Variants in RPL35A observed in about 807,000 individuals in gnomAD.
RPL35A encodes large ribosomal subunit protein eL33.
RPL35A carries 1 observed loss-of-function variant against 16.7 expected under a neutral mutation model. That is an observed-to-expected ratio of 0.06 (90% CI 0.02 to 0.28). The LOEUF is 0.28. RPL35A is among the 10% of genes least tolerant of loss of function. RPL35A has a pLI of 1.00. For missense variants in RPL35A, 91 were observed against 138.7 expected (o/e 0.66, Z 1.73); for synonymous variants, 58 against 47.0 (o/e 1.23, Z -0.96).
Position 197,950,216 on chromosome 3 carries a change from G to T in RPL35A, c.-38G>T. 8.1e-7 allele frequency: 1 copy of T among 1,231,432 alleles called. No homozygotes were observed. 76.3% of individuals were successfully genotyped at this position (1,231,432 alleles called of 1,614,324 possible). A position where few individuals can be genotyped will look rare whatever the true frequency, so the allele number is the denominator to read the frequency against. The stretch of plus-strand genomic sequence containing the variant: ...TTCTCTTACCGCCATCTTGGCTCCT[G>T]TGGAGGTGAGTGAAGGGTCTGCTGC... On this transcript the variant is annotated 5_prime_UTR_variant, in exon 1 of 5. Transcript: ENST00000647248.
rs1560124683 is a variant in RPL35A at position 197,955,799 on chromosome 3, G to A, written c.*26G>A. On this transcript the variant is annotated 3_prime_UTR_variant, in exon 5 of 5. Coordinates refer to ENST00000647248, the MANE Select transcript of RPL35A (RefSeq NM_000996.4). ...ACTAACGAAAAATCAATAAATAAAT[G>A]TGGATTTGTGCTCTTGTATTTTTAA... 4.5e-6 allele frequency: 7 copies of A among 1,570,388 alleles called. No individual in the cohort carries two copies. The highest frequency in any genetic ancestry group is 6.1e-6 in the Non-Finnish European group (7 of 1,142,220).
chr3:197,954,259 T>C, intron 4 of RPL35A, 112 bp downstream of exon 4: 1 of 1,062,280 alleles, frequency 9.4e-7, no homozygotes, highest in Middle Eastern at 2.0e-4. Context: ...CAGTAAATTA[T>C]GCTGCAAAAT....
chr3:197,952,170 T>G (rs1429283094), intron 3 of RPL35A, among the ~76,000 whole-genome samples: 1 of 129,956 alleles, frequency 7.7e-6, no homozygotes, highest in African/African-American at 3.2e-5. Context: ...GGGTTTTTTT[T>G]TTTTTTTTTT....
intron 1 of RPL35A, 168 bp from the exon 2 acceptor site, chr3:197,950,768 G>C: frequency 1.6e-6 from 1 of 633,776 alleles, no homozygotes; most frequent in Non-Finnish European, 2.8e-6. Context: ...AGGTTTGAAT[G>C]TCTTGCCGGA....
rs1720504990 is a variant in RPL35A, at chr3:197,956,108, C to T, written c.*335C>T. The stretch of plus-strand genomic sequence containing the variant: ...AGTAGCTGGGACCACAGGCTCATGC[C>T]ACCATCCCTGGGTCATTTTTAAATT... On this transcript the variant is annotated 3_prime_UTR_variant, in exon 5 of 5. Coordinates refer to ENST00000647248, the MANE Select transcript of RPL35A (RefSeq NM_000996.4). 1 of 310,398 alleles carries T rather than the reference C, an allele frequency of 3.2e-6. No homozygotes were observed. The highest frequency in any genetic ancestry group is 6.2e-6 in the Non-Finnish European group (1 of 160,760). 19.2% of individuals were successfully genotyped at this position (310,398 alleles called of 1,614,324 possible). A position where few individuals can be genotyped will look rare whatever the true frequency, so the allele number is the denominator to read the frequency against.
chr3:197,954,217 T>C, intron 4 of RPL35A, 70 bp downstream of exon 4: 1 of 1,520,158 alleles, frequency 6.6e-7, no homozygotes, highest in South Asian at 1.1e-5. Flanking sequence ...TGCTTTGACT[T>C]CTGAGGACTT....
At position 197,951,181 on chromosome 3, in the gene RPL35A, G is replaced by A. The variant is rs533670667; in HGVS notation, c.34G>A (p.Ala12Thr). 4.0e-5 allele frequency: 64 copies of A among 1,614,108 alleles called. No individual in the cohort carries two copies. The East Asian group carries it at 4.5e-4, about 11-fold the overall frequency. Residue 12 changes from alanine (A) to threonine (T), a missense_variant, in exon 3 of 5, where the codon GCT becomes ACT. Transcript: ENST00000647248. ...TAGGCTGTGGTCCAAGGCCATTTTT[G>A]CTGGCTATAAGCGGGGTCTCCGGAA... is the stretch of plus-strand genomic sequence containing the variant. ...SGRLWSKAIF[A>T]GYKRGLRNQR...
At position 197,956,390 on chromosome 3, in the gene RPL35A, A is replaced by G. The variant is rs1720523502; in HGVS notation, c.*617A>G. 1 of 154,332 alleles carries G rather than the reference A, an allele frequency of 6.5e-6. No homozygotes were observed. Among genetic ancestry groups the G allele is most frequent in the African/African-American group, 2.4e-5 (1 of 41,448 alleles). 9.6% of individuals were successfully genotyped at this position (154,332 alleles called of 1,614,324 possible). On this transcript the variant is annotated 3_prime_UTR_variant, in exon 5 of 5. Coordinates refer to ENST00000647248, the MANE Select transcript of RPL35A (RefSeq NM_000996.4). ...GCTCTTGGGACTTGTGACTGGACAAAGCATTCCAGTATATTAAAATAAAAT... is the reference window on the plus strand; with the variant it reads ...GCTCTTGGGACTTGTGACTGGACAAGGCATTCCAGTATATTAAAATAAAAT...
At chr3:197,952,416 C>T (rs939569804) in intron 3 of RPL35A, 2 of 152,176 alleles carry the variant, frequency 1.3e-5, no homozygotes, top group Admixed American at 1.3e-4. Context: ...GATCCACCCA[C>T]CTCAGCCTCC....
chr3:197,953,143 C>T (rs971605307), intron 3 of RPL35A, among the ~76,000 whole-genome samples: 2 of 152,246 alleles, frequency 1.3e-5, no homozygotes, highest in Non-Finnish European at 2.9e-5. Context: ...TCTTCACCCA[C>T]TCCAAGCCAA....
chr3:197,954,778 G>C lies in RPL35A; in HGVS notation c.309+631G>C, dbSNP rs1369552633. On this transcript the variant is annotated intron_variant, in intron 4 of 4. Transcript: ENST00000647248. ...CCACCTTGGCCTCCCAGAGTGCTGGGATTATATGCTTGAGCCACCACAGCC... is the reference window on the plus strand; with the variant it reads ...CCACCTTGGCCTCCCAGAGTGCTGGCATTATATGCTTGAGCCACCACAGCC... Among the ~76,000 whole-genome samples, 4 of 152,270 alleles carry C rather than the reference G, an allele frequency of 2.6e-5. 1 individual carries two copies. The highest frequency in any genetic ancestry group is 6.8e-3 in the Middle Eastern group (2 of 294).
chr3:197,950,640 T>C (rs1261229709), intron 1 of RPL35A: 12 of 464,414 alleles, frequency 2.6e-5, no homozygotes, highest in Non-Finnish European at 4.6e-5. Flanking sequence ...TTTTCCTGAG[T>C]GTTGCCTACT....
intron 3 of RPL35A, among the ~76,000 whole-genome samples, chr3:197,952,899 C>T (rs1483598876): frequency 1.3e-5 from 2 of 151,300 alleles, no homozygotes; most frequent in African/African-American, 2.4e-5. Context: ...GTGGTGTGAT[C>T]TCAGCTCACT....
chr3:197,953,454 G>C (rs1443895038), intron 3 of RPL35A: 2 of 456,578 alleles, frequency 4.4e-6, no homozygotes, highest in African/African-American at 4.0e-5. Flanking sequence ...GTAAAAGCCC[G>C]TCATTAAGAG....
At chr3:197,955,411 T>C in intron 4 of RPL35A, among the ~76,000 whole-genome samples, 1 of 151,670 alleles carries the variant, frequency 6.6e-6, no homozygotes, top group East Asian at 2.0e-4. Flanking sequence ...TATAGGCACG[T>C]ACCACCATGC....
rs746855539 is a variant in RPL35A at position 197,956,005 on chromosome 3, G to C, written c.*232G>C. 1.3e-5 allele frequency: 7 copies of C among 522,234 alleles called. No homozygotes were observed. The highest frequency in any genetic ancestry group is 2.1e-5 in the Non-Finnish European group (6 of 287,668). The allele number at this position is 522,234 out of a possible 1,614,324, so 32.4% of individuals were successfully genotyped here. ...AGTATCTTTGACAGAGTCTTGCTCT[G>C]TTGCCCATGCTGGAGTGTAGTGGTG... On this transcript the variant is annotated 3_prime_UTR_variant, in exon 5 of 5. Coordinates refer to ENST00000647248, the MANE Select transcript of RPL35A (RefSeq NM_000996.4).
In RPL35A at chr3:197,951,321, T is replaced by C. The variant is rs907857127; in HGVS notation, c.164+10T>C. 3 of 1,613,774 alleles carry C rather than the reference T, an allele frequency of 1.9e-6. No homozygotes were observed. The African/African-American group carries it at 4.0e-5, about 22-fold the overall frequency. On this transcript the variant is annotated intron_variant, in intron 3 of 4. Transcript: ENST00000647248. ...TATATAAAGCAAAGAAGTAAGTTTA[T>C]GACACTGGTAGGTTTTGGGTTTTTG...
Position 197,950,649 on chromosome 3 carries a change from C to A in RPL35A, c.-32-287C>A, listed in dbSNP as rs1719987947. On this transcript the variant is annotated intron_variant, in intron 1 of 4. Coordinates refer to ENST00000647248, the MANE Select transcript of RPL35A (RefSeq NM_000996.4). ...CATTTCTTTTCCTGAGTGTTGCCTACTGATAACGGCATGCATTTTCTCAGG... is the reference window on the plus strand; with the variant it reads ...CATTTCTTTTCCTGAGTGTTGCCTAATGATAACGGCATGCATTTTCTCAGG... The A allele has an allele frequency of 7.2e-5, 35 of 486,364 alleles. No homozygotes were observed. The South Asian group carries it at 9.1e-4, about 13-fold the overall frequency. 30.1% of individuals were successfully genotyped at this position (486,364 alleles called of 1,614,324 possible).
chr3:197,953,931 T>C, intron 3 of RPL35A, 72 bp from the exon 4 acceptor site: 1 of 1,534,944 alleles, frequency 6.5e-7, no homozygotes, highest in African/African-American at 1.4e-5. Flanking sequence ...GAGCCACTCG[T>C]GTAGAGGTCA....
Sources: allele counts gnomAD v4.1 joint callset (sites outside exome capture counted in the v4.1 genomes callset), GRCh38; gene constraint gnomAD v4.1.1; transcripts MANE v1.5; gene names NCBI Gene and HGNC (gene_info 2026-07-23, HGNC 2026-07-21).